ABHD17B: variants seen among roughly 807,000 people sequenced by gnomAD.
ABHD17B encodes alpha/beta hydrolase domain-containing protein 17B.
A neutral mutation model predicts 26.2 loss-of-function variants in ABHD17B; 9 were observed. That is an observed-to-expected ratio of 0.34 (90% CI 0.21 to 0.60). ABHD17B has a LOEUF of 0.60. Ranked by LOEUF, ABHD17B falls within the 20% of genes least tolerant of loss-of-function variation. The pLI is 0.80. For synonymous variants in ABHD17B, 127 were observed against 122.3 expected (o/e 1.04, Z -0.25); for missense variants, 224 against 352.1 (o/e 0.64, Z 2.91).
At chr9:71,892,459 G>T (rs373261673) in intron 1 of ABHD17B, among the ~76,000 whole-genome samples, 16 of 151,940 alleles carry the variant, frequency 1.1e-4, no homozygotes, top group African/African-American at 2.9e-4. Context: ...CATGAACCCG[G>T]GAGGTGGAGC....
chr9:71,900,518 C>A (rs1360439312), intron 1 of ABHD17B, among the ~76,000 whole-genome samples: 1 of 151,774 alleles, frequency 6.6e-6, no homozygotes, highest in African/African-American at 2.4e-5. Flanking sequence ...GGCGTGATGG[C>A]GTGTGCCTGT....
chr9:71,871,882 G>A (rs886200685), intron 2 of ABHD17B, among the ~76,000 whole-genome samples: 2 of 152,110 alleles, frequency 1.3e-5, no homozygotes, highest in African/African-American at 4.8e-5. Flanking sequence ...TGAATGCCAG[G>A]CCCCGAGTTT....
At chr9:71,900,898 C>A (rs1029084052) in intron 1 of ABHD17B, among the ~76,000 whole-genome samples, 11 of 151,976 alleles carry the variant, frequency 7.2e-5, no homozygotes, top group African/African-American at 2.7e-4. Context: ...GCCTGTAATC[C>A]CAGCACTTTG....
chr9:71,892,748 T>A (rs1171724098), intron 1 of ABHD17B, among the ~76,000 whole-genome samples: 2 of 150,458 alleles, frequency 1.3e-5, no homozygotes, highest in Admixed American at 6.7e-5. Context: ...AAATGAGTGG[T>A]TTTTGTATCT....
At chr9:71,900,386 CG>C (rs1827096567) in intron 1 of ABHD17B, among the ~76,000 whole-genome samples, 1 of 152,114 alleles carries the variant, frequency 6.6e-6, no homozygotes, top group Non-Finnish European at 1.5e-5. Flanking sequence ...AATCAAGGTT[CG>C]GGGACGGTGG....
chr9:71,905,525 A>G (rs529799133), intron 1 of ABHD17B, among the ~76,000 whole-genome samples: 1 of 152,166 alleles, frequency 6.6e-6, no homozygotes, highest in Non-Finnish European at 1.5e-5. Context: ...TCTCTCATGC[A>G]TTATGGACTG....
chr9:71,882,855 T>C (rs1263365252), intron 1 of ABHD17B, among the ~76,000 whole-genome samples: 1 of 151,854 alleles, frequency 6.6e-6, no homozygotes, highest in Non-Finnish European at 1.5e-5. Flanking sequence ...ATATATATAT[T>C]AAAAACATTG....
At chr9:71,862,600 T>A (rs1196987852), downstream of ABHD17B, 1 of 1,309,860 alleles carries the variant, frequency 7.6e-7, no homozygotes, top group African/African-American at 1.5e-5. Context: ...TTCTTTATGT[T>A]TCTGCACCTG....
chr9:71,897,273 C>T (rs970122333), intron 1 of ABHD17B, among the ~76,000 whole-genome samples: 4 of 152,336 alleles, frequency 2.6e-5, no homozygotes, highest in South Asian at 2.1e-4. Context: ...CGCTCAGTGG[C>T]TCATCCCAGC....
chr9:71,906,812 A>T (rs1315097143), intron 1 of ABHD17B, among the ~76,000 whole-genome samples: 1 of 2,346 alleles, frequency 4.3e-4, no homozygotes, highest in Non-Finnish European at 1.0e-3. Flanking sequence ...AAAAACAAAC[A>T]AACAAACAAA....
intron 1 of ABHD17B, among the ~76,000 whole-genome samples, chr9:71,881,012 A>C (rs372599038): frequency 5.3e-5 from 8 of 152,326 alleles, no homozygotes; most frequent in Admixed American, 2.0e-4. Context: ...GAATTCATAC[A>C]GAACCTCAAG....
intron 2 of ABHD17B, among the ~76,000 whole-genome samples, chr9:71,873,664 G>A (rs988718027): frequency 6.6e-6 from 1 of 151,832 alleles, no homozygotes; most frequent in Non-Finnish European, 1.5e-5. Flanking sequence ...CCAAAGTGCT[G>A]TGATTACAGG....
At chr9:71,906,298 T>C (rs1827281732) in intron 1 of ABHD17B, among the ~76,000 whole-genome samples, 1 of 152,240 alleles carries the variant, frequency 6.6e-6, no homozygotes, top group Admixed American at 6.5e-5. Flanking sequence ...TAAACTTTTC[T>C]GAGGATAGTT....
intron 1 of ABHD17B, among the ~76,000 whole-genome samples, chr9:71,877,424 T>C (rs1222994787): frequency 2.0e-5 from 3 of 152,202 alleles, no homozygotes; most frequent in Non-Finnish European, 4.4e-5. Flanking sequence ...AACACTTTTG[T>C]TGTTGTTTTT....
chr9:71,882,551 G>A (rs1461810270), intron 1 of ABHD17B, among the ~76,000 whole-genome samples: 6 of 151,986 alleles, frequency 3.9e-5, no homozygotes, highest in Admixed American at 1.3e-4. Context: ...CCAGCTACTT[G>A]GGAGGCTGAG....
rs1825966492 is a variant in ABHD17B, at chr9:71,866,730, AC to A, written c.*56del. On this transcript the variant is annotated 3_prime_UTR_variant, in exon 4 of 4. Transcript: ENST00000333421. ...AAAACCTTCAGGTTTTATGTTATTTACCAAAGAGTGCAGTTCAGCAAGAAAG... is the reference window on the plus strand; with the variant it reads ...AAAACCTTCAGGTTTTATGTTATTTACAAAGAGTGCAGTTCAGCAAGAAAG... The A allele has an allele frequency of 6.3e-7, 1 of 1,596,318 alleles. No homozygotes were observed. The highest frequency in any genetic ancestry group is 1.7e-5 in the Admixed American group (1 of 57,892).
chr9:71,873,265 T>TC (rs1310619513), intron 2 of ABHD17B, among the ~76,000 whole-genome samples: 4 of 152,136 alleles, frequency 2.6e-5, no homozygotes, highest in Non-Finnish European at 5.9e-5. Flanking sequence ...GATTTTTTTT[T>TC]CAAGAAAAAT....
At chr9:71,909,612 T>C (rs1329959646) in intron 1 of ABHD17B, among the ~76,000 whole-genome samples, 2 of 152,246 alleles carry the variant, frequency 1.3e-5, no homozygotes, top group African/African-American at 2.4e-5. Flanking sequence ...TAGTTTCATA[T>C]GTTGGCACAA....
At chr9:71,890,860 C>A (rs562935357) in intron 1 of ABHD17B, among the ~76,000 whole-genome samples, 15 of 152,240 alleles carry the variant, frequency 9.9e-5, no homozygotes. Flanking sequence ...GTTTAGACCC[C>A]AGTGATTTCT....
Sources: gnomAD v4.1 joint callset for allele counts (sites outside exome capture counted in the v4.1 genomes callset) on GRCh38, gnomAD v4.1.1 for gene constraint, MANE v1.5 for transcripts, NCBI Gene and HGNC (gene_info 2026-07-23, HGNC 2026-07-21) for gene names.